The following DOCK3 variants were observed in gnomAD, a reference collection of about 807,000 sequenced individuals.
The protein encoded by DOCK3 is dedicator of cytokinesis 3, also known as dedicator of cytokinesis protein 3.
A neutral mutation model predicts 265.6 loss-of-function variants in DOCK3; 60 were observed. The ratio of observed to expected loss-of-function variants is 0.23; its 90% CI spans 0.18 to 0.28. The LOEUF (loss-of-function observed/expected upper bound fraction) is 0.28. Among genes scored for constraint, DOCK3 ranks in the 10% least tolerant of loss-of-function variants. DOCK3 has a pLI of 1.00. For synonymous variants in DOCK3, 881 were observed against 938.0 expected (o/e 0.94, Z 1.11); for missense variants, 1,981 against 2,594.3 (o/e 0.76, Z 5.14).
chr3:51,292,497 TGTG>T (rs2081840766), intron 27 of DOCK3, among the ~76,000 whole-genome samples: 1 of 152,028 alleles, frequency 6.6e-6, no homozygotes, highest in Non-Finnish European at 1.5e-5. Context: ...ACAAGCCAGG[TGTG>T]GTGGCTCACA....
At chr3:51,097,705 CCTAGTTTTGTGCTTGAAATCCAGGG>C (rs1482438843) in intron 9 of DOCK3, among the ~76,000 whole-genome samples, 29 of 152,334 alleles carry the variant, frequency 1.9e-4, no homozygotes, top group African/African-American at 6.0e-4. Flanking sequence ...CAAACGGCCG[CCTAGTTTTGTGCTTGAAATCCAGGG>C]CCCTGGTGGC....
chr3:51,131,307 C>T (rs2084523896), intron 9 of DOCK3, among the ~76,000 whole-genome samples: 1 of 152,188 alleles, frequency 6.6e-6, no homozygotes, highest in Non-Finnish European at 1.5e-5. Context: ...CTGGAATCCA[C>T]ATCAGCTCAG....
chr3:51,117,243 C>T (rs2083781002), intron 9 of DOCK3, among the ~76,000 whole-genome samples: 1 of 152,084 alleles, frequency 6.6e-6, no homozygotes, highest in African/African-American at 2.4e-5. Context: ...GTCATTGGTT[C>T]TGTGTATGTG....
At chr3:50,719,804 TG>T in intron 1 of DOCK3, 1 of 794,710 alleles carries the variant, frequency 1.3e-6, no homozygotes, top group Non-Finnish European at 2.3e-6. Flanking sequence ...ACATAAACTC[TG>T]GAATAATTCT....
intron 9 of DOCK3, among the ~76,000 whole-genome samples, chr3:51,119,666 A>T (rs2083921723): frequency 1.3e-5 from 2 of 151,804 alleles, no homozygotes; most frequent in Non-Finnish European, 2.9e-5. Flanking sequence ...GTTCATTTTC[A>T]TTATTTTTTC....
At chr3:50,819,646 A>G (rs2044289453) in intron 2 of DOCK3, among the ~76,000 whole-genome samples, 1 of 152,126 alleles carries the variant, frequency 6.6e-6, no homozygotes, top group Admixed American at 6.5e-5. Flanking sequence ...CGACACTCCC[A>G]CCAGTGCCAT....
At chr3:50,679,509 A>C (rs1193265997) in intron 1 of DOCK3, among the ~76,000 whole-genome samples, 1 of 152,216 alleles carries the variant, frequency 6.6e-6, no homozygotes, top group East Asian at 1.9e-4. Context: ...AAAAACAAAC[A>C]AACAAACAAA....
Position 50,926,229 on chromosome 3 carries a change from T to C in DOCK3, c.219-7752T>C, listed in dbSNP as rs546746541. Among the ~76,000 whole-genome samples, 3 of 152,286 alleles carry C rather than the reference T, an allele frequency of 2.0e-5. 1 individual carries two copies. In the South Asian group the frequency reaches 6.2e-4, roughly 32 times the overall value. On this transcript the variant is annotated intron_variant, in intron 4 of 52. Transcript: ENST00000266037. ...GTTGGGTATGCCAAGATAATTCCAA[T>C]TCATGTAACCAATTTTTATATATCC...
rs9854165 is a variant in DOCK3, at chr3:51,342,069, T to C, written c.3915+684T>C. Among the ~76,000 whole-genome samples the C allele has an allele frequency of 2.7e-3, 410 of 152,288 alleles. 1 individual carries two copies. Among genetic ancestry groups the C allele is most frequent in the African/African-American group, 9.4e-3 (392 of 41,554 alleles). On this transcript the variant is annotated intron_variant, in intron 38 of 52. Transcript: ENST00000266037. Reference sequence around the variant, plus strand: ...GAAGCCATTTTCTCATTACTAAGCTTTGAGCACATTTTAAAGCTGAAATAG... The same window carrying C: ...GAAGCCATTTTCTCATTACTAAGCTCTGAGCACATTTTAAAGCTGAAATAG...
At chr3:51,111,025 A>G (rs1295026768) in intron 9 of DOCK3, among the ~76,000 whole-genome samples, 2 of 152,210 alleles carry the variant, frequency 1.3e-5, no homozygotes, top group East Asian at 1.9e-4. Context: ...TAGTATTCCT[A>G]TACCCAACAA....
At chr3:50,719,386 A>T in intron 1 of DOCK3, 1 of 492,578 alleles carries the variant, frequency 2.0e-6, no homozygotes, top group Non-Finnish European at 3.6e-6. Context: ...GAGCACAGTG[A>T]TTATAGGATG....
At chr3:50,843,343 G>T (rs2045929888) in intron 3 of DOCK3, among the ~76,000 whole-genome samples, 1 of 151,928 alleles carries the variant, frequency 6.6e-6, no homozygotes. Flanking sequence ...ATCTTGGCAG[G>T]GTTGGCTGGA....
intron 49 of DOCK3, among the ~76,000 whole-genome samples, chr3:51,364,289 T>C (rs2110388640): frequency 6.6e-6 from 1 of 152,250 alleles, no homozygotes; most frequent in African/African-American, 2.4e-5. Flanking sequence ...TGTCTTCTTT[T>C]GAGAAGTGTC....
intron 5 of DOCK3, among the ~76,000 whole-genome samples, chr3:51,017,239 C>G (rs544755494): frequency 3.3e-5 from 5 of 150,662 alleles, no homozygotes; most frequent in Non-Finnish European, 7.4e-5. Flanking sequence ...CCTTTTTCAT[C>G]TCTGATTTTA....
chr3:50,836,229 G>C (rs753130417), intron 2 of DOCK3, among the ~76,000 whole-genome samples: 36 of 152,312 alleles, frequency 2.4e-4, no homozygotes, highest in African/African-American at 8.7e-4. Context: ...GACTCCATGT[G>C]GGGGCTCTTA....
chr3:51,051,758 AAGCAAG>A (rs1559992365), intron 5 of DOCK3, among the ~76,000 whole-genome samples: 2 of 152,156 alleles, frequency 1.3e-5, no homozygotes, highest in Non-Finnish European at 1.5e-5. Context: ...CAGACTGTAC[AAGCAAG>A]GCCTTGTATT....
chr3:51,289,662 G>A (rs1407795799), intron 27 of DOCK3, among the ~76,000 whole-genome samples: 3 of 151,602 alleles, frequency 2.0e-5, no homozygotes, highest in African/African-American at 7.3e-5. Context: ...ACTATATGCT[G>A]CCTACAGTAG....
intron 3 of DOCK3, among the ~76,000 whole-genome samples, chr3:50,878,046 C>G (rs1431654177): frequency 1.3e-5 from 2 of 152,180 alleles, no homozygotes; most frequent in African/African-American, 4.8e-5. Flanking sequence ...TCCAACAGAC[C>G]TGCAGCTGAA....
chr3:51,098,862 G>T (rs1447770526), intron 9 of DOCK3, among the ~76,000 whole-genome samples: 2 of 152,114 alleles, frequency 1.3e-5, no homozygotes, highest in Non-Finnish European at 2.9e-5. Context: ...TTTCTACCCT[G>T]CTCTCTGGTC....
Sources: gnomAD v4.1 joint callset for allele counts (sites outside exome capture counted in the v4.1 genomes callset) on GRCh38, gnomAD v4.1.1 for gene constraint, MANE v1.5 for transcripts, NCBI Gene and HGNC (gene_info 2026-07-23, HGNC 2026-07-21) for gene names.